The following CREBBP variants were observed in gnomAD, a reference collection of about 807,000 sequenced individuals.
CREBBP encodes CREB binding lysine acetyltransferase, also known as CREB-binding protein.
In CREBBP, 19 loss-of-function variants were observed where a neutral mutation model predicts 265.0. The ratio of observed to expected loss-of-function variants is 0.07; its 90% CI spans 0.05 to 0.11. The LOEUF (loss-of-function observed/expected upper bound fraction) is 0.11, where lower values mean the gene tolerates loss of function less well. Ranked by LOEUF, CREBBP falls within the 10% of genes least tolerant of loss-of-function variation. The pLI, the probability that CREBBP is intolerant of heterozygous loss-of-function variation, is 1.00. For synonymous variants in CREBBP, 1,457 were observed against 1,223.7 expected, an observed-to-expected ratio of 1.19 and a Z score of -3.98; for missense variants, 2,525 against 3,219.0, an observed-to-expected ratio of 0.78 and a Z score of 5.22.
intron 1 of CREBBP, among the ~76,000 whole-genome samples, chr16:3,853,451 A>C (rs1395377800): frequency 6.6e-6 from 1 of 151,936 alleles, no homozygotes; most frequent in East Asian, 1.9e-4. Context: ...TCTACTAAAA[A>C]TATAAAAAAT....
At chr16:3,775,378 GTTCC>G (rs1208619879) in intron 11 of CREBBP, among the ~76,000 whole-genome samples, 2 of 152,212 alleles carry the variant, frequency 1.3e-5, no homozygotes, top group Admixed American at 6.5e-5. Context: ...GCGGTGTCTA[GTTCC>G]TTCCAATTTC....
chr16:3,875,363 T>C (rs1597092653), intron 1 of CREBBP, among the ~76,000 whole-genome samples: 1 of 152,196 alleles, frequency 6.6e-6, no homozygotes, highest in Non-Finnish European at 1.5e-5. Context: ...AAAGTCTCTA[T>C]GACAACTTTT....
chr16:3,855,984 T>C (rs1007589577), intron 1 of CREBBP, among the ~76,000 whole-genome samples: 12 of 152,260 alleles, frequency 7.9e-5, no homozygotes, highest in African/African-American at 2.4e-4. Flanking sequence ...TTTGAGGTGG[T>C]AGATATCCTA....
chr16:3,754,738 TATGAAAACAA>T (rs2052550307), intron 19 of CREBBP, among the ~76,000 whole-genome samples: 1 of 152,190 alleles, frequency 6.6e-6, no homozygotes, highest in African/African-American at 2.4e-5. Context: ...ATTTGCAAAG[TATGAAAACAA>T]GTGAAAATGT....
chr16:3,743,216 TA>T (rs1389342608), intron 23 of CREBBP: 1 of 152,256 alleles, frequency 6.6e-6, no homozygotes, highest in Non-Finnish European at 1.5e-5. Flanking sequence ...GGCATGCTGC[TA>T]AAATCCTGTA....
At chr16:3,814,289 C>G (rs1263982957) in intron 2 of CREBBP, among the ~76,000 whole-genome samples, 1 of 147,450 alleles carries the variant, frequency 6.8e-6, no homozygotes, top group African/African-American at 2.5e-5. Context: ...GAGTCTCGTT[C>G]TGTTGCCTAG....
At chr16:3,794,496 C>A (rs2053570108) in intron 3 of CREBBP, among the ~76,000 whole-genome samples, 2 of 152,174 alleles carry the variant, frequency 1.3e-5, no homozygotes, top group Non-Finnish European at 2.9e-5. Flanking sequence ...TTCACAGCAA[C>A]CATTACCTCT....
chr16:3,735,786 T>C (rs376358133), intron 28 of CREBBP, among the ~76,000 whole-genome samples: 40 of 152,294 alleles, frequency 2.6e-4, no homozygotes, highest in African/African-American at 2.4e-4. Context: ...CATGTCCCAT[T>C]TTCTGTCTTC....
chr16:3,801,565 G>A (rs1351677035), intron 3 of CREBBP, among the ~76,000 whole-genome samples: 1 of 152,144 alleles, frequency 6.6e-6, no homozygotes, highest in African/African-American at 2.4e-5. Flanking sequence ...AGCTACTCGG[G>A]AGGCTGAGGC....
At chr16:3,813,286 G>C (rs2053972566) in intron 2 of CREBBP, among the ~76,000 whole-genome samples, 2 of 152,160 alleles carry the variant, frequency 1.3e-5, no homozygotes, top group Admixed American at 6.5e-5. Context: ...CTCTACTTAA[G>C]TGAACTGAGA....
intron 5 of CREBBP, 142 bp downstream of exon 5, chr16:3,791,839 T>C (rs2053515035): frequency 1.3e-6 from 1 of 754,794 alleles, no homozygotes; most frequent in South Asian, 1.4e-5. Context: ...AGCTTGGCTG[T>C]ACCTTGGGCT....
intron 15 of CREBBP, 102 bp from the exon 16 acceptor site, chr16:3,768,011 C>G (rs1033074870): frequency 4.6e-6 from 5 of 1,076,600 alleles, no homozygotes; most frequent in Non-Finnish European, 5.7e-6. Flanking sequence ...TTTGTTAAAA[C>G]CTTCCTCTAG....
rs1265529297 is a variant in CREBBP at position 3,803,260 on chromosome 16, CGGGG to C, written c.975+7339_975+7342del. ...TCCCAGCACTTTGGGAGGCTGACGG[CGGGG>C]AGGGGGGGGGGGGGGGTGGATCACG... On this transcript the variant is annotated intron_variant, in intron 3 of 30. Transcript: ENST00000262367. 2.4e-4 allele frequency among the ~76,000 whole-genome samples: 2 copies of C among 8,464 alleles called. 1 individual carries two copies. The highest frequency in any genetic ancestry group is 2.5e-3 in the Admixed American group (2 of 798). 5.6% of individuals were successfully genotyped at this position (8,464 alleles called of 152,430 possible). A position where few individuals can be genotyped will look rare whatever the true frequency, so the allele number is the denominator to read the frequency against.
At chr16:3,775,234 T>A (rs2053108898) in intron 11 of CREBBP, among the ~76,000 whole-genome samples, 1 of 152,140 alleles carries the variant, frequency 6.6e-6, no homozygotes, top group African/African-American at 2.4e-5. Flanking sequence ...CTCCAAATGT[T>A]CTTTTAATTT....
intron 8 of CREBBP, among the ~76,000 whole-genome samples, chr16:3,779,245 C>G (rs1166136105): frequency 6.6e-6 from 1 of 151,972 alleles, no homozygotes; most frequent in African/African-American, 2.4e-5. Context: ...ATGATCATAG[C>G]TCACTGCAAC....
At chr16:3,813,896 G>A (rs1187989198) in intron 2 of CREBBP, among the ~76,000 whole-genome samples, 1 of 152,148 alleles carries the variant, frequency 6.6e-6, no homozygotes, top group African/African-American at 2.4e-5. Flanking sequence ...CTGAAGGGGT[G>A]GGGAAGGGAA....
chr16:3,852,966 C>CAAA (rs1332391780), intron 1 of CREBBP, among the ~76,000 whole-genome samples: 1 of 115,788 alleles, frequency 8.6e-6, no homozygotes, highest in African/African-American at 3.2e-5. Context: ...CTGTAGCATC[C>CAAA]AAAAAAAAAA....
intron 5 of CREBBP, among the ~76,000 whole-genome samples, chr16:3,789,860 C>T (rs1453923708): frequency 6.6e-6 from 1 of 151,760 alleles, no homozygotes; most frequent in African/African-American, 2.4e-5. Flanking sequence ...TTTCACAACA[C>T]TCAGGCCGTT....
chr16:3,852,931 A>G (rs1156344001), intron 1 of CREBBP, among the ~76,000 whole-genome samples: 1 of 151,876 alleles, frequency 6.6e-6, no homozygotes, highest in East Asian at 1.9e-4. Context: ...AGAAGTATGT[A>G]GAAATATGTT....
Sources: gnomAD v4.1 joint callset for allele counts (sites outside exome capture counted in the v4.1 genomes callset) on GRCh38, gnomAD v4.1.1 for gene constraint, MANE v1.5 for transcripts, NCBI Gene and HGNC (gene_info 2026-07-23, HGNC 2026-07-21) for gene names.